Variants in RFC2 observed in about 807,000 individuals in gnomAD.
RFC2 encodes the protein A1 40 kDa subunit.
RFC2 carries 34 observed loss-of-function variants against 44.8 expected under a neutral mutation model. That is an observed-to-expected ratio of 0.76 (90% CI 0.58 to 1.01). The LOEUF (loss-of-function observed/expected upper bound fraction) is 1.01, where lower values mean the gene tolerates loss of function less well. Among genes scored for constraint, RFC2 ranks in the 50% least tolerant of loss-of-function variants. The pLI is 0.00. For synonymous variants in RFC2, 177 were observed against 168.9 expected (o/e 1.05, Z -0.37); for missense variants, 400 against 453.6 (o/e 0.88, Z 1.07).
At position 74,254,347 on chromosome 7, in the gene RFC2, C is replaced by T. The variant is rs1471026035; in HGVS notation, c.37G>A (p.Val13Met). The T allele has an allele frequency of 8.1e-6, 13 of 1,610,112 alleles. No homozygotes were observed. Among genetic ancestry groups the T allele is most frequent in the African/African-American group, 1.3e-5 (1 of 74,674 alleles). ...GCAGGGTCAGAGTCCTGGGCCTCCA[C>T]CTCGCCCGCGCCACCACAGACGGCC... ...VEAVCGGAGEVEAQDSDPAPA... is the reference protein window; with the variant it reads ...VEAVCGGAGEMEAQDSDPAPA... Residue 13 changes from valine (V) to methionine (M), a missense_variant, in exon 1 of 11, where the codon GTG becomes ATG. Coordinates refer to ENST00000055077, the MANE Select transcript of RFC2 (RefSeq NM_181471.3).
At chr7:74,250,293 GTTCT>G (rs1786853060) in intron 2 of RFC2, among the ~76,000 whole-genome samples, 1 of 152,000 alleles carries the variant, frequency 6.6e-6, no homozygotes, top group African/African-American at 2.4e-5. Context: ...CTCACCTCAA[GTTCT>G]TTTTATTCTT....
chr7:74,241,271 T>C (rs1222227753), intron 6 of RFC2, among the ~76,000 whole-genome samples: 2 of 152,214 alleles, frequency 1.3e-5, no homozygotes, highest in Non-Finnish European at 2.9e-5. Context: ...ATTTCATTGC[T>C]GGCATCTGCA....
chr7:74,239,306 G>C (rs1803194187), intron 7 of RFC2, among the ~76,000 whole-genome samples: 1 of 150,588 alleles, frequency 6.6e-6, no homozygotes, highest in Non-Finnish European at 1.5e-5. Context: ...CTCCTGAGTA[G>C]CTGGGATTAC....
intron 7 of RFC2, 60 bp from the exon 8 acceptor site, chr7:74,239,048 G>A (rs901567661): frequency 2.2e-4 from 306 of 1,389,730 alleles, no homozygotes; most frequent in Non-Finnish European, 2.7e-4. Flanking sequence ...TTTGAGTAGA[G>A]ACAGGAGTCT....
intron 4 of RFC2, among the ~76,000 whole-genome samples, chr7:74,247,122 CAAA>C (rs74906792): frequency 9.8e-6 from 1 of 102,174 alleles, no homozygotes; most frequent in African/African-American, 3.6e-5. Context: ...TAATTCGTCT[CAAA>C]AAAAAAAAAA....
intron 2 of RFC2, among the ~76,000 whole-genome samples, chr7:74,251,041 C>T (rs567313586): frequency 3.2e-4 from 48 of 152,328 alleles, no homozygotes; most frequent in African/African-American, 1.2e-3. Flanking sequence ...CTCGCCTTGG[C>T]CTCCCAAAGT....
At chr7:74,253,337 T>C (rs1787079918) in intron 1 of RFC2, among the ~76,000 whole-genome samples, 1 of 151,896 alleles carries the variant, frequency 6.6e-6, no homozygotes, top group African/African-American at 2.4e-5. Flanking sequence ...CCTCCCAAAG[T>C]GCTGGGATTA....
intron 5 of RFC2, among the ~76,000 whole-genome samples, chr7:74,244,833 A>G (rs1477018136): frequency 1.3e-5 from 2 of 151,612 alleles, no homozygotes; most frequent in Non-Finnish European, 2.9e-5. Context: ...TTGCAGTTGC[A>G]CAAGCCTGTA....
chr7:74,235,543 CCA>C lies in RFC2; in HGVS notation c.941_942del (p.Leu314ArgfsTer47), dbSNP rs1802966456. On this transcript the variant is annotated frameshift_variant, in exon 10 of 11. Coordinates refer to ENST00000055077, the MANE Select transcript of RFC2 (RefSeq NM_181471.3). LOFTEE classifies it high-confidence loss of function. ...KTFQMAEYLK[L>X]EFIKEIGYTH... ...ACATTCTCACCGACCTTGATAAACT[CCA>C]GTTTCAGGTATTCTGCCATTTGGAA... 1 of 1,597,232 alleles carries C rather than the reference CCA, an allele frequency of 6.3e-7. No homozygotes were observed. The highest frequency in any genetic ancestry group is 1.1e-5 in the South Asian group (1 of 90,730).
chr7:74,246,555 G>A (rs1449403838), intron 5 of RFC2, 107 bp downstream of exon 5: 7 of 652,880 alleles, frequency 1.1e-5, no homozygotes, highest in East Asian at 5.5e-5. Flanking sequence ...GCTTGTGGAA[G>A]ATATGATAAG....
intron 2 of RFC2, among the ~76,000 whole-genome samples, chr7:74,251,797 CAAAA>C (rs1158873785): frequency 1.8e-5 from 1 of 56,954 alleles, no homozygotes; most frequent in African/African-American, 6.6e-5. Context: ...GACTCCATCT[CAAAA>C]AAAAAAAAAA....
At chr7:74,248,688 G>T (rs1364534649) in intron 4 of RFC2, among the ~76,000 whole-genome samples, 2 of 152,078 alleles carry the variant, frequency 1.3e-5, no homozygotes. Flanking sequence ...TTTTAGTGGA[G>T]ACGGGGTTTC....
intron 6 of RFC2, among the ~76,000 whole-genome samples, chr7:74,240,416 C>A (rs901224783): frequency 2.7e-5 from 4 of 150,812 alleles, no homozygotes; most frequent in Non-Finnish European, 5.9e-5. Flanking sequence ...GCAAGAGACT[C>A]GCTTGAGCAC....
intron 1 of RFC2, among the ~76,000 whole-genome samples, 177 bp from the exon 2 acceptor site, chr7:74,252,675 C>T (rs1315992343): frequency 6.6e-6 from 1 of 152,162 alleles, no homozygotes; most frequent in Non-Finnish European, 1.5e-5. Flanking sequence ...TGGCTCACAC[C>T]TGTAATCCTA....
At chr7:74,233,287 A>C (rs1243250887) in intron 10 of RFC2, among the ~76,000 whole-genome samples, 3 of 152,310 alleles carry the variant, frequency 2.0e-5, no homozygotes, top group Non-Finnish European at 4.4e-5. Context: ...CCGAGGCGGG[A>C]GGATCACTTG....
intron 9 of RFC2, among the ~76,000 whole-genome samples, chr7:74,236,915 C>T (rs973631471): frequency 4.6e-5 from 7 of 151,908 alleles, no homozygotes; most frequent in African/African-American, 7.3e-5. Flanking sequence ...GCTGTGACCG[C>T]GCCAGTGCAT....
chr7:74,248,366 G>A (rs1047097769), intron 4 of RFC2, among the ~76,000 whole-genome samples: 7 of 151,788 alleles, frequency 4.6e-5, no homozygotes, highest in African/African-American at 1.7e-4. Context: ...ATGGTGGCAT[G>A]TGTCTATAGT....
Position 74,249,095 on chromosome 7 carries a change from G to T in RFC2, c.249C>A (p.Thr83=). 2 of 1,614,032 alleles carry T rather than the reference G, an allele frequency of 1.2e-6. No homozygotes were observed. The highest frequency in any genetic ancestry group is 1.7e-6 in the Non-Finnish European group (2 of 1,179,970). ...CCCGGGCCAAGCACAGAATGCTTGT[G>T]GTCTTGCCGGTTCCTGGAGGGCCCT... ...IIAGPPGTGK[T]TSILCLARAL... Residue 83 remains threonine (T), a synonymous_variant, in exon 4 of 11, where the codon ACC becomes ACA. Coordinates refer to ENST00000055077, the MANE Select transcript of RFC2 (RefSeq NM_181471.3).
At chr7:74,252,098 CAAAAAAAAAAAAAAA>C (rs140868309) in intron 2 of RFC2, among the ~76,000 whole-genome samples, 1 of 21,540 alleles carries the variant, frequency 4.6e-5, no homozygotes, top group Non-Finnish European at 8.1e-5. Context: ...GGCTCCATCT[CAAAAAAAAAAAAAAA>C]AAAAAAAAAA....
Sources: allele counts gnomAD v4.1 joint callset (sites outside exome capture counted in the v4.1 genomes callset), GRCh38; gene constraint gnomAD v4.1.1; transcripts MANE v1.5; gene names NCBI Gene and HGNC (gene_info 2026-07-23, HGNC 2026-07-21).